DAB1: variants seen among roughly 807,000 people sequenced by gnomAD.
The protein encoded by DAB1 is disabled homolog 1.
DAB1 carries 15 observed loss-of-function variants against 64.6 expected under a neutral mutation model. The ratio of observed to expected loss-of-function variants is 0.23; its 90% CI spans 0.16 to 0.36. The LOEUF is 0.36. Among genes scored for constraint, DAB1 ranks in the 10% least tolerant of loss-of-function variants. The probability of loss-of-function intolerance (pLI) is 1.00; values close to 1 mark genes in which losing one functional copy is unlikely to be tolerated. For synonymous variants in DAB1, 235 were observed against 251.9 expected (o/e 0.93, Z 0.64); for missense variants, 596 against 706.7 (o/e 0.84, Z 1.78).
chr1:58,131,502 G>A (rs1446192037), intron 5 of DAB1, among the ~76,000 whole-genome samples: 1 of 146,268 alleles, frequency 6.8e-6, no homozygotes, highest in Admixed American at 6.7e-5. Flanking sequence ...TGCTGGTGAG[G>A]AACTGCGTTC....
chr1:57,638,705 G>C (rs983030579), intron 7 of DAB1, among the ~76,000 whole-genome samples: 1 of 152,190 alleles, frequency 6.6e-6, no homozygotes, highest in Non-Finnish European at 1.5e-5. Flanking sequence ...GAGGGAAGGG[G>C]CTTGAAGAAT....
chr1:58,300,571 AG>A (rs1662103266), intron 4 of DAB1, among the ~76,000 whole-genome samples: 2 of 14,478 alleles, frequency 1.4e-4, no homozygotes, highest in Admixed American at 1.7e-3. Context: ...AAAGAAAGAA[AG>A]AAAGAAAGAA....
At chr1:58,203,833 T>G (rs892619097) in intron 4 of DAB1, among the ~76,000 whole-genome samples, 3 of 152,202 alleles carry the variant, frequency 2.0e-5, no homozygotes, top group Non-Finnish European at 4.4e-5. Flanking sequence ...ATGTAGAGCT[T>G]TTTAAATGCA....
intron 6 of DAB1, among the ~76,000 whole-genome samples, chr1:57,731,086 T>A (rs1318766411): frequency 6.6e-6 from 1 of 152,202 alleles, no homozygotes; most frequent in African/African-American, 2.4e-5. Context: ...CAGAGATAGA[T>A]GAATGGATAA....
chr1:57,337,808 C>G (rs1245894799), intron 1 of DAB1, among the ~76,000 whole-genome samples: 2 of 152,150 alleles, frequency 1.3e-5, no homozygotes, highest in African/African-American at 4.8e-5. Context: ...CTGTATTCCA[C>G]TAGAAAGTTC....
rs890425350 is a variant in DAB1 at position 57,071,511 on chromosome 1, C to G, written c.558+11G>C. 1 of 1,603,958 alleles carries G rather than the reference C, an allele frequency of 6.2e-7. No homozygotes were observed. The highest frequency in any genetic ancestry group is 8.5e-7 in the Non-Finnish European group (1 of 1,178,018). On this transcript the variant is annotated intron_variant, in intron 6 of 14. Coordinates refer to ENST00000371236, the MANE Select transcript of DAB1 (RefSeq NM_001365792.1). Reference sequence around the variant, plus strand: ...CCGATCTCCAGCGCAAGGATAAATTCACAGGTATACCTGGTACACAGCTTG... The same window carrying G: ...CCGATCTCCAGCGCAAGGATAAATTGACAGGTATACCTGGTACACAGCTTG...
chr1:57,997,870 T>C (rs368263578), intron 5 of DAB1, among the ~76,000 whole-genome samples: 168 of 151,962 alleles, frequency 1.1e-3, no homozygotes, highest in African/African-American at 3.9e-3. Context: ...TGCCAGCCAC[T>C]ATACTAGATA....
At chr1:58,490,429 ATATGGGAC>A (rs1218106201) in intron 3 of DAB1, among the ~76,000 whole-genome samples, 1 of 152,244 alleles carries the variant, frequency 6.6e-6, no homozygotes, top group Non-Finnish European at 1.5e-5. Context: ...CCTCCAAGAA[ATATGGGAC>A]TATGTGAAAA....
At chr1:57,059,151 A>G (rs1410782227) in intron 9 of DAB1, among the ~76,000 whole-genome samples, 1 of 152,200 alleles carries the variant, frequency 6.6e-6, no homozygotes, top group East Asian at 1.9e-4. Flanking sequence ...CATGTTATCT[A>G]ATTCACATCT....
At chr1:58,252,640 A>G (rs1391066571) in intron 4 of DAB1, among the ~76,000 whole-genome samples, 1 of 152,160 alleles carries the variant, frequency 6.6e-6, no homozygotes, top group Non-Finnish European at 1.5e-5. Context: ...CCCCACTGCT[A>G]CCACAGAAAC....
rs138133533 is a variant in DAB1 at position 58,529,981 on chromosome 1, C to T, written n.33-2646G>A. Among the ~76,000 whole-genome samples, 1,400 of 151,958 alleles carry T rather than the reference C, an allele frequency of 9.2e-3. 31 individuals carry two copies. The highest frequency in any genetic ancestry group is 0.073 in the East Asian group (375 of 5,150). ...CAGCAAGCTCTGCCTCCTGGGTTCACGCCATTCTCCTGCCTCAGCCTCCCA... is the reference window on the plus strand; with the variant it reads ...CAGCAAGCTCTGCCTCCTGGGTTCATGCCATTCTCCTGCCTCAGCCTCCCA... On this transcript the variant is annotated intron_variant and non_coding_transcript_variant, in intron 1 of 20. Coordinates refer to the DAB1 transcript ENST00000485760.
At chr1:57,565,365 C>A (rs1645105255) in intron 7 of DAB1, among the ~76,000 whole-genome samples, 1 of 152,332 alleles carries the variant, frequency 6.6e-6, no homozygotes, top group African/African-American at 2.4e-5. Flanking sequence ...ACTGCATCAA[C>A]TAACGAGCAA....
chr1:57,647,934 G>T lies in DAB1; in HGVS notation n.625+1658C>A, dbSNP rs556659918. Among the ~76,000 whole-genome samples, 165 of 152,288 alleles carry T rather than the reference G, an allele frequency of 1.1e-3. 1 individual carries two copies. Among genetic ancestry groups the T allele is most frequent in the African/African-American group, 3.8e-3 (156 of 41,558 alleles). ...TACTCCATTGCTCTCAATGCTTACT[G>T]ATTTTAAACTTCTAAGTCATCACAA... On this transcript the variant is annotated intron_variant and non_coding_transcript_variant, in intron 7 of 20. Transcript: ENST00000485760.
At chr1:57,872,517 G>A (rs1643970552) in intron 1 of DAB1, among the ~76,000 whole-genome samples, 1 of 152,138 alleles carries the variant, frequency 6.6e-6, no homozygotes. Flanking sequence ...TTGCTATTTT[G>A]TTATAGCAAC....
intron 3 of DAB1, among the ~76,000 whole-genome samples, chr1:58,426,504 G>C (rs1393882065): frequency 6.6e-6 from 1 of 152,238 alleles, no homozygotes; most frequent in Non-Finnish European, 1.5e-5. Flanking sequence ...AGGATCTGCA[G>C]TCAACAAGCT....
intron 1 of DAB1, among the ~76,000 whole-genome samples, chr1:57,845,638 C>T (rs1046865231): frequency 1.3e-5 from 2 of 152,140 alleles, no homozygotes; most frequent in Non-Finnish European, 2.9e-5. Flanking sequence ...AAGTACACGA[C>T]ATTAAAGAAT....
At chr1:58,427,415 C>T (rs1644832286) in intron 3 of DAB1, among the ~76,000 whole-genome samples, 1 of 152,118 alleles carries the variant, frequency 6.6e-6, no homozygotes, top group East Asian at 1.9e-4. Context: ...ACCACCAAGG[C>T]TGTTTACTGA....
At chr1:57,916,510 G>T (rs1358137947) in intron 5 of DAB1, among the ~76,000 whole-genome samples, 1 of 152,214 alleles carries the variant, frequency 6.6e-6, no homozygotes, top group African/African-American at 2.4e-5. Context: ...CAGCCAACAT[G>T]GTTGGAGTGC....
chr1:57,204,661 A>G (rs1050436788), intron 2 of DAB1, among the ~76,000 whole-genome samples: 1 of 152,190 alleles, frequency 6.6e-6, no homozygotes, highest in African/African-American at 2.4e-5. Flanking sequence ...GTTTCCTTAT[A>G]TGTATGGGGG....
Sources: gnomAD v4.1 joint callset for allele counts (sites outside exome capture counted in the v4.1 genomes callset) on GRCh38, gnomAD v4.1.1 for gene constraint, MANE v1.5 for transcripts, NCBI Gene and HGNC (gene_info 2026-07-23, HGNC 2026-07-21) for gene names.